The following PALM2AKAP2 variants were observed in gnomAD, a reference collection of about 807,000 sequenced individuals.
PALM2AKAP2 encodes the protein PALM2 and AKAP2 fusion.
In PALM2AKAP2, 37 loss-of-function variants were observed where a neutral mutation model predicts 71.5. The observed-to-expected ratio is 0.52, with a 90% confidence interval of 0.40 to 0.68. The LOEUF (loss-of-function observed/expected upper bound fraction) is 0.68. PALM2AKAP2 is among the 30% of genes least tolerant of loss of function. The pLI is 0.00. For missense variants in PALM2AKAP2, 1,224 were observed against 1,191.8 expected, an observed-to-expected ratio of 1.03 and a Z score of -0.40; for synonymous variants, 468 against 478.8, an observed-to-expected ratio of 0.98 and a Z score of 0.29.
intron 2 of PALM2AKAP2, among the ~76,000 whole-genome samples, chr9:110,149,749 C>G (rs920149962): frequency 6.6e-6 from 1 of 152,156 alleles, no homozygotes; most frequent in African/African-American, 2.4e-5. Context: ...CCCAGGAGTT[C>G]AAGCCCTGGG....
At chr9:109,905,984 C>T (rs553695144) in intron 3 of PALM2AKAP2, among the ~76,000 whole-genome samples, 1 of 151,608 alleles carries the variant, frequency 6.6e-6, no homozygotes, top group Non-Finnish European at 1.5e-5. Flanking sequence ...AACAAATAAA[C>T]TTTTTTACAA....
intron 6 of PALM2AKAP2, among the ~76,000 whole-genome samples, chr9:109,987,462 C>T (rs1435350262): frequency 6.6e-6 from 1 of 152,088 alleles, no homozygotes; most frequent in Non-Finnish European, 1.5e-5. Flanking sequence ...TTTTCATGTA[C>T]ACGTCTCTGT....
At chr9:109,835,215 G>GTAGGGAAAAGGAGAGGGTT (rs1564171134) in intron 1 of PALM2AKAP2, among the ~76,000 whole-genome samples, 1 of 132,386 alleles carries the variant, frequency 7.6e-6, no homozygotes, top group Non-Finnish European at 1.7e-5. Context: ...AGGGGAGGGT[G>GTAGGGAAAAGGAGAGGGTT]TAGGGAAAGA....
intron 1 of PALM2AKAP2, among the ~76,000 whole-genome samples, chr9:109,811,670 C>T (rs550395665): frequency 6.6e-6 from 1 of 152,246 alleles, no homozygotes; most frequent in South Asian, 2.1e-4. Context: ...GTCCTGGGCT[C>T]AAGCAATCCT....
At chr9:110,060,366 G>C (rs1450990750) in intron 1 of PALM2AKAP2, among the ~76,000 whole-genome samples, 2 of 151,992 alleles carry the variant, frequency 1.3e-5, no homozygotes, top group Non-Finnish European at 2.9e-5. Flanking sequence ...GCCTCCCAAA[G>C]TGCTGGGATG....
intron 1 of PALM2AKAP2, among the ~76,000 whole-genome samples, chr9:109,828,267 A>C (rs1828208101): frequency 6.6e-6 from 1 of 152,164 alleles, no homozygotes; most frequent in Non-Finnish European, 1.5e-5. Context: ...GCAGCTTACC[A>C]GGCTATGTCC....
chr9:110,102,945 A>G (rs114279608), intron 1 of PALM2AKAP2, among the ~76,000 whole-genome samples: 3 of 152,024 alleles, frequency 2.0e-5, no homozygotes, highest in African/African-American at 7.3e-5. Context: ...TTCAGCTTCA[A>G]TTGCTAATTG....
chr9:109,884,112 C>T (rs995943850), intron 3 of PALM2AKAP2, among the ~76,000 whole-genome samples: 1 of 152,178 alleles, frequency 6.6e-6, no homozygotes, highest in African/African-American at 2.4e-5. Context: ...TTGAAAACTG[C>T]AAGCATTCAG....
chr9:110,098,408 A>G (rs983357729), intron 1 of PALM2AKAP2, among the ~76,000 whole-genome samples: 1 of 152,216 alleles, frequency 6.6e-6, no homozygotes, highest in Admixed American at 6.5e-5. Context: ...CAAAAACTAC[A>G]TACTGTGATG....
intron 6 of PALM2AKAP2, among the ~76,000 whole-genome samples, chr9:109,984,900 C>A (rs376642697): frequency 3.3e-5 from 5 of 151,364 alleles, no homozygotes; most frequent in African/African-American, 9.7e-5. Context: ...AAAGGCCGGG[C>A]GTGGTGGCTC....
intron 6 of PALM2AKAP2, chr9:109,943,561 T>G: frequency 7.9e-7 from 1 of 1,270,574 alleles, no homozygotes; most frequent in South Asian, 1.5e-5. Flanking sequence ...TGCTTTGATC[T>G]CTCTCATTTT....
chr9:109,704,532 A>G (rs1018869390), intron 1 of PALM2AKAP2, among the ~76,000 whole-genome samples: 45 of 152,192 alleles, frequency 3.0e-4, no homozygotes, highest in Non-Finnish European at 3.1e-4. Context: ...CTGATGGAAA[A>G]TGTTTCCACC....
chr9:109,718,119 C>T (rs191722120), intron 1 of PALM2AKAP2, among the ~76,000 whole-genome samples: 10 of 152,106 alleles, frequency 6.6e-5, no homozygotes, highest in African/African-American at 1.7e-4. Context: ...CTCATTCTGT[C>T]GCCCAGGCTG....
At chr9:109,698,958 G>T (rs1397273738) in intron 1 of PALM2AKAP2, among the ~76,000 whole-genome samples, 1 of 152,200 alleles carries the variant, frequency 6.6e-6, no homozygotes, top group South Asian at 2.1e-4. Flanking sequence ...CTATATGCAT[G>T]TATAATTATA....
intron 1 of PALM2AKAP2, among the ~76,000 whole-genome samples, chr9:110,067,247 T>G (rs1420129657): frequency 6.6e-6 from 1 of 152,192 alleles, no homozygotes; most frequent in African/African-American, 2.4e-5. Context: ...TTAGATTATT[T>G]AAATCTCAAA....
At chr9:109,851,960 A>C (rs1457410566) in intron 1 of PALM2AKAP2, among the ~76,000 whole-genome samples, 2 of 152,210 alleles carry the variant, frequency 1.3e-5, no homozygotes, top group African/African-American at 4.8e-5. Flanking sequence ...AGAACTAGCC[A>C]CGAGAAAGCA....
At chr9:109,962,684 C>A (rs926749758) in intron 6 of PALM2AKAP2, among the ~76,000 whole-genome samples, 3 of 151,678 alleles carry the variant, frequency 2.0e-5, no homozygotes, top group Non-Finnish European at 4.4e-5. Flanking sequence ...ACTCTGTCAC[C>A]CAGGCTGGAG....
intron 3 of PALM2AKAP2, among the ~76,000 whole-genome samples, chr9:109,891,274 G>T (rs1343963168): frequency 1.3e-5 from 2 of 152,186 alleles, no homozygotes; most frequent in Non-Finnish European, 2.9e-5. Context: ...ACCTCCCTTT[G>T]TTCCCTTGGC....
chr9:110,158,136 C>T (rs1442432251), intron 3 of PALM2AKAP2, among the ~76,000 whole-genome samples: 1 of 152,210 alleles, frequency 6.6e-6, no homozygotes, highest in Non-Finnish European at 1.5e-5. Context: ...CTTTCGTGAG[C>T]CTGCAGGATT....
Sources: gnomAD v4.1 joint callset for allele counts (sites outside exome capture counted in the v4.1 genomes callset) on GRCh38, gnomAD v4.1.1 for gene constraint, MANE v1.5 for transcripts, NCBI Gene and HGNC (gene_info 2026-07-23, HGNC 2026-07-21) for gene names.